The following MYO16 variants were observed in gnomAD, a reference collection of about 807,000 sequenced individuals.
MYO16 encodes myosin XVI.
In MYO16, 94 loss-of-function variants were observed where a neutral mutation model predicts 205.3. The ratio of observed to expected loss-of-function variants is 0.46; its 90% confidence interval spans 0.39 to 0.54. The LOEUF (loss-of-function observed/expected upper bound fraction) is 0.54. MYO16 is among the 20% of genes least tolerant of loss of function. The pLI, the probability that MYO16 is intolerant of heterozygous loss-of-function variation, is 0.00. For synonymous variants in MYO16, 988 were observed against 954.0 expected (o/e 1.04, Z -0.66); for missense variants, 2,315 against 2,387.5 (o/e 0.97, Z 0.63).
intron 9 of MYO16, among the ~76,000 whole-genome samples, chr13:108,829,827 T>C (rs914940631): frequency 2.0e-5 from 3 of 152,004 alleles, no homozygotes; most frequent in Non-Finnish European, 2.9e-5. Context: ...CACAATAGAT[T>C]TGGGAAAGCT....
intron 1 of MYO16, among the ~76,000 whole-genome samples, chr13:108,634,447 T>G (rs1156921655): frequency 6.6e-6 from 1 of 152,166 alleles, no homozygotes; most frequent in African/African-American, 2.4e-5. Context: ...AGTGAATATG[T>G]GGCCAATCCA....
At chr13:108,964,003 C>G (rs186102187) in intron 19 of MYO16, among the ~76,000 whole-genome samples, 1 of 152,182 alleles carries the variant, frequency 6.6e-6, no homozygotes. Flanking sequence ...CTTCCTCACC[C>G]GTGCTTCTAA....
At chr13:108,625,922 T>A (rs540354103), upstream of MYO16, among the ~76,000 whole-genome samples, 1 of 152,368 alleles carries the variant, frequency 6.6e-6, no homozygotes, top group South Asian at 2.1e-4. Context: ...ATTATGAAAC[T>A]ACATGTTTTA....
intron 18 of MYO16, among the ~76,000 whole-genome samples, chr13:108,961,942 C>G (rs1328009822): frequency 6.6e-6 from 1 of 152,132 alleles, no homozygotes; most frequent in African/African-American, 2.4e-5. Flanking sequence ...TACCCTTCAC[C>G]CCACTACCCA....
the MYO16 span, among the ~76,000 whole-genome samples, chr13:108,520,440 T>C: frequency 2.0e-5 from 3 of 152,192 alleles, no homozygotes; most frequent in Non-Finnish European, 4.4e-5. Context: ...GGTTTTTAGA[T>C]ATTAGAGAAT....
intron 13 of MYO16, among the ~76,000 whole-genome samples, chr13:108,886,951 T>A (rs926793480): frequency 1.4e-4 from 22 of 152,114 alleles, no homozygotes; most frequent in Non-Finnish European, 4.4e-5. Flanking sequence ...CTTTGCCACA[T>A]CCTTGATTGT....
chr13:109,096,263 G>A (rs1247449375), intron 27 of MYO16, among the ~76,000 whole-genome samples: 1 of 152,190 alleles, frequency 6.6e-6, no homozygotes, highest in Admixed American at 6.5e-5. Context: ...GATCCTCAGT[G>A]TTCCTTGGCT....
chr13:109,173,953 G>C (rs911394766), intron 33 of MYO16, among the ~76,000 whole-genome samples: 2 of 147,630 alleles, frequency 1.4e-5, no homozygotes, highest in Admixed American at 6.7e-5. Context: ...TTGATGGGGG[G>C]GGGTACTCTC....
the MYO16 span, among the ~76,000 whole-genome samples, chr13:108,582,334 G>C: frequency 6.6e-6 from 1 of 152,022 alleles, no homozygotes; most frequent in Non-Finnish European, 1.5e-5. Flanking sequence ...AGTCTACCCA[G>C]TTCCACATGT....
At chr13:108,668,286 T>G (rs77004264) in intron 2 of MYO16, among the ~76,000 whole-genome samples, 130 of 152,236 alleles carry the variant, frequency 8.5e-4, no homozygotes, top group African/African-American at 3.1e-3. Flanking sequence ...GGTGGCAAGC[T>G]AGGCAAGAGA....
intron 2 of MYO16, among the ~76,000 whole-genome samples, chr13:108,675,696 T>C (rs1037147366): frequency 2.0e-5 from 3 of 152,022 alleles, no homozygotes; most frequent in Admixed American, 6.6e-5. Flanking sequence ...ATGAGTTTGG[T>C]AGGAAGAGAG....
chr13:108,664,980 G>A (rs1881661261), intron 1 of MYO16, among the ~76,000 whole-genome samples: 1 of 152,144 alleles, frequency 6.6e-6, no homozygotes, highest in Non-Finnish European at 1.5e-5. Flanking sequence ...CCAACCCTCA[G>A]TCTTTATACT....
upstream of MYO16, among the ~76,000 whole-genome samples, chr13:108,628,579 G>A (rs116423358): frequency 8.3e-4 from 127 of 152,278 alleles, no homozygotes; most frequent in African/African-American, 2.9e-3. Context: ...AGGCTGTTCT[G>A]TGCGAAATCT....
At chr13:109,098,252 C>T (rs1888841554) in intron 27 of MYO16, among the ~76,000 whole-genome samples, 1 of 152,184 alleles carries the variant, frequency 6.6e-6, no homozygotes, top group Non-Finnish European at 1.5e-5. Context: ...TAGAATCAAA[C>T]ACATCTTTAT....
At chr13:108,638,933 G>C (rs566467824) in intron 1 of MYO16, among the ~76,000 whole-genome samples, 1 of 152,262 alleles carries the variant, frequency 6.6e-6, no homozygotes, top group East Asian at 1.9e-4. Context: ...AAGATCAATG[G>C]ATGAGGAGCC....
chr13:108,631,840 G>A (rs905016532), intron 1 of MYO16, among the ~76,000 whole-genome samples: 5 of 152,158 alleles, frequency 3.3e-5, no homozygotes, highest in African/African-American at 1.2e-4. Flanking sequence ...AACATTGGGA[G>A]GCCAAAGCAG....
At chr13:108,644,832 T>C (rs17387335) in intron 1 of MYO16, among the ~76,000 whole-genome samples, 6,845 of 152,282 alleles carry the variant, frequency 0.045, 184 homozygotes, top group South Asian at 0.13. Context: ...GGTTTAAAAA[T>C]ATAGTCTGGA....
intron 4 of MYO16, among the ~76,000 whole-genome samples, chr13:108,755,068 C>A (rs1885378175): frequency 6.6e-6 from 1 of 152,008 alleles, no homozygotes; most frequent in African/African-American, 2.4e-5. Flanking sequence ...AGAGAGGGGA[C>A]CCATGCACAC....
At chr13:108,818,555 C>A (rs1399862457) in intron 7 of MYO16, among the ~76,000 whole-genome samples, 1 of 151,368 alleles carries the variant, frequency 6.6e-6, no homozygotes, top group Non-Finnish European at 1.5e-5. Context: ...AGCAAAAATA[C>A]CATAGAAAAA....
Sources: allele counts gnomAD v4.1 joint callset (sites outside exome capture counted in the v4.1 genomes callset), GRCh38; gene constraint gnomAD v4.1.1; transcripts MANE v1.5; gene names NCBI Gene and HGNC (gene_info 2026-07-23, HGNC 2026-07-21).